TMEM132B: variants seen among roughly 807,000 people sequenced by gnomAD.
TMEM132B encodes the protein transmembrane protein 132B.
In TMEM132B, 18 loss-of-function variants were observed where a neutral mutation model predicts 90.8. The observed-to-expected ratio is 0.20, with a 90% confidence interval of 0.14 to 0.29. The LOEUF is 0.29. Among genes scored for constraint, TMEM132B ranks in the 10% least tolerant of loss-of-function variants. The probability of loss-of-function intolerance (pLI) is 1.00; values close to 1 mark genes in which losing one functional copy is unlikely to be tolerated. For synonymous variants in TMEM132B, 504 were observed against 523.3 expected (o/e 0.96, Z 0.50); for missense variants, 1,096 against 1,326.8 (o/e 0.83, Z 2.70).
intron 1 of TMEM132B, among the ~76,000 whole-genome samples, chr12:125,339,928 C>A (rs1405544865): frequency 6.6e-6 from 1 of 152,214 alleles, no homozygotes; most frequent in African/African-American, 2.4e-5. Context: ...GTCCATAACA[C>A]TCCTACATAA....
At chr12:125,598,833 A>G (rs1885506439) in intron 5 of TMEM132B, among the ~76,000 whole-genome samples, 1 of 152,038 alleles carries the variant, frequency 6.6e-6, no homozygotes, top group African/African-American at 2.4e-5. Flanking sequence ...AATTCCCCTA[A>G]TAGAGGGGGT....
chr12:125,452,837 T>C (rs558461071), intron 3 of TMEM132B, among the ~76,000 whole-genome samples: 34 of 152,242 alleles, frequency 2.2e-4, no homozygotes, highest in Non-Finnish European at 4.1e-4. Context: ...TTGATTTATA[T>C]GTATTCATTA....
At chr12:125,585,488 G>A (rs1885158745) in intron 5 of TMEM132B, 1 of 152,172 alleles carries the variant, frequency 6.6e-6, no homozygotes, top group Non-Finnish European at 1.5e-5. Flanking sequence ...TTCTAGAAAG[G>A]AGACACTGAT....
chr12:125,513,785 C>G (rs1299229594), intron 3 of TMEM132B, among the ~76,000 whole-genome samples: 2 of 152,188 alleles, frequency 1.3e-5, no homozygotes, highest in African/African-American at 4.8e-5. Context: ...TTTAAGGTGA[C>G]CATTTTTAAA....
chr12:125,383,127 A>G (rs1266361344), intron 2 of TMEM132B, among the ~76,000 whole-genome samples: 1 of 152,038 alleles, frequency 6.6e-6, no homozygotes, highest in African/African-American at 2.4e-5. Flanking sequence ...GGACGGTGAG[A>G]CGGCCTCTTG....
In TMEM132B at chr12:125,378,303, T is replaced by C. The variant is rs141461496; in HGVS notation, c.959+27960T>C. 9.8e-5 allele frequency among the ~76,000 whole-genome samples: 15 copies of C among 152,340 alleles called. No individual in the cohort carries two copies. In the East Asian group the frequency reaches 2.9e-3, roughly 29 times the overall value. On this transcript the variant is annotated intron_variant, in intron 2 of 8. Coordinates refer to ENST00000682704, the MANE Select transcript of TMEM132B (RefSeq NM_001366854.1). The stretch of plus-strand genomic sequence containing the variant: ...ATCCAGGAAGACTGGTTCAGATCCC[T>C]ATTCTGCCATGGACCAGCTGTGAGC...
intron 5 of TMEM132B, among the ~76,000 whole-genome samples, chr12:125,614,586 G>T (rs1441132000): frequency 6.6e-6 from 1 of 152,076 alleles, no homozygotes; most frequent in Non-Finnish European, 1.5e-5. Flanking sequence ...ATGAGTTCAT[G>T]TGTCTTTTTG....
chr12:125,584,112 G>A (rs1336220074), intron 5 of TMEM132B, 118 bp downstream of exon 5: 2 of 1,471,558 alleles, frequency 1.4e-6, no homozygotes, highest in African/African-American at 2.8e-5. Context: ...CTGGAGGCCA[G>A]AATGACCTCA....
intron 1 of TMEM132B, among the ~76,000 whole-genome samples, chr12:125,211,925 A>T (rs1305780924): frequency 6.6e-6 from 1 of 152,218 alleles, no homozygotes. Context: ...CCAGCTGGGC[A>T]TTCACTGATG....
At chr12:125,469,355 GTTA>G (rs1478374366) in intron 3 of TMEM132B, among the ~76,000 whole-genome samples, 1 of 152,178 alleles carries the variant, frequency 6.6e-6, no homozygotes, top group Non-Finnish European at 1.5e-5. Context: ...TATAAGTGAT[GTTA>G]TTTTTTCTAC....
chr12:125,568,968 G>A (rs1357802269), intron 4 of TMEM132B, among the ~76,000 whole-genome samples: 1 of 152,088 alleles, frequency 6.6e-6, no homozygotes, highest in Non-Finnish European at 1.5e-5. Context: ...AGTTCTCTGG[G>A]GCAGCGGTCA....
chr12:125,650,983 AG>A, intron 7 of TMEM132B, 30 bp downstream of exon 7: 1 of 1,609,928 alleles, frequency 6.2e-7, no homozygotes, highest in Non-Finnish European at 8.5e-7. Context: ...GCCCAACAGC[AG>A]TCTGTGTTGA....
chr12:125,197,552 A>G (rs887655636), intron 1 of TMEM132B, among the ~76,000 whole-genome samples: 1 of 152,162 alleles, frequency 6.6e-6, no homozygotes, highest in Admixed American at 6.5e-5. Flanking sequence ...AGCGGTGCCT[A>G]TTTGTTTACA....
chr12:125,302,504 G>A (rs1875856967), intron 1 of TMEM132B, among the ~76,000 whole-genome samples: 1 of 152,138 alleles, frequency 6.6e-6, no homozygotes, highest in African/African-American at 2.4e-5. Flanking sequence ...TCGTTATACA[G>A]CACTATTGTG....
chr12:125,300,985 T>C (rs915213386), intron 1 of TMEM132B: 9 of 152,174 alleles, frequency 5.9e-5, no homozygotes, highest in Admixed American at 5.2e-4. Flanking sequence ...GAGAATGTTA[T>C]GAGGTTGCCT....
chr12:125,443,524 C>G (rs941575304), intron 3 of TMEM132B, among the ~76,000 whole-genome samples: 1 of 152,104 alleles, frequency 6.6e-6, no homozygotes, highest in African/African-American at 2.4e-5. Context: ...TCTGGGATGC[C>G]TGCTGGGAAG....
rs1279951089 is a variant in TMEM132B at position 125,258,768 on chromosome 12, C to T, written c.67+71902C>T. On this transcript the variant is annotated intron_variant, in intron 1 of 8. Coordinates refer to ENST00000682704, the MANE Select transcript of TMEM132B (RefSeq NM_001366854.1). ...TATCTTTAAAAAATGCAATGTGCCACATGCAGAAAAATGATAAAACAGGAT... is the reference window on the plus strand; with the variant it reads ...TATCTTTAAAAAATGCAATGTGCCATATGCAGAAAAATGATAAAACAGGAT... Among the ~76,000 whole-genome samples, 2 of 152,142 alleles carry T rather than the reference C, an allele frequency of 1.3e-5. 1 individual carries two copies. The highest frequency in any genetic ancestry group is 1.3e-4 in the Admixed American group (2 of 15,274).
chr12:125,192,968 G>C (rs1872831683), intron 1 of TMEM132B, among the ~76,000 whole-genome samples: 1 of 152,188 alleles, frequency 6.6e-6, no homozygotes, highest in Admixed American at 6.5e-5. Context: ...GGTTCAGCAA[G>C]AAAGAGGTTT....
chr12:125,437,522 A>G (rs1414993400), intron 3 of TMEM132B, among the ~76,000 whole-genome samples: 4 of 152,112 alleles, frequency 2.6e-5, no homozygotes, highest in South Asian at 2.1e-4. Context: ...TGTTTTTCAC[A>G]GTGGCTGCAC....
Sources: allele counts gnomAD v4.1 joint callset (sites outside exome capture counted in the v4.1 genomes callset), GRCh38; gene constraint gnomAD v4.1.1; transcripts MANE v1.5; gene names NCBI Gene and HGNC (gene_info 2026-07-23, HGNC 2026-07-21).